The following TCTN2 variants were observed in gnomAD, a reference collection of about 807,000 sequenced individuals.
TCTN2 encodes tectonic-2.
In TCTN2, 66 loss-of-function variants were observed where a neutral mutation model predicts 83.4. The observed-to-expected ratio is 0.79, with a 90% CI of 0.65 to 0.97. The LOEUF is 0.97. TCTN2 is among the 50% of genes least tolerant of loss of function. TCTN2 has a pLI of 0.00. For missense variants in TCTN2, 794 were observed against 858.1 expected, an observed-to-expected ratio of 0.93 and a Z score of 0.93; for synonymous variants, 301 against 326.7, an observed-to-expected ratio of 0.92 and a Z score of 0.85.
intron 8 of TCTN2, among the ~76,000 whole-genome samples, 178 bp from the exon 9 acceptor site, chr12:123,692,480 G>T (rs1956055040): frequency 6.6e-6 from 1 of 152,168 alleles, no homozygotes; most frequent in South Asian, 2.1e-4. Context: ...GTTATAATTA[G>T]ATGCTAAGAG....
intron 15 of TCTN2, 47 bp from the exon 16 acceptor site, chr12:123,706,679 T>C (rs753962795): frequency 2.5e-6 from 4 of 1,613,554 alleles, no homozygotes; most frequent in Non-Finnish European, 2.5e-6. Context: ...CTTGGTGGAA[T>C]AGAACTGAAT....
At position 123,693,746 on chromosome 12, in the gene TCTN2, G is replaced by A. The variant is rs535768517; in HGVS notation, c.1099+1023G>A. Among the ~76,000 whole-genome samples, 30 of 151,604 alleles carry A rather than the reference G, an allele frequency of 2.0e-4. No homozygotes were observed. The South Asian group carries it at 6.0e-3, about 31-fold the overall frequency. ...AGGGGTTACAGGCGTGAGCCACGGC[G>A]ACTGGCTCAGTTTGGCTAATTTTAC... On this transcript the variant is annotated intron_variant, in intron 9 of 17. Transcript: ENST00000303372.
chr12:123,698,727 G>A (rs1027459630), intron 13 of TCTN2, among the ~76,000 whole-genome samples: 9 of 152,102 alleles, frequency 5.9e-5, no homozygotes, highest in South Asian at 4.1e-4. Flanking sequence ...CATTATGCCC[G>A]GCCTGCATGC....
chr12:123,696,340 C>T (rs1317158386), intron 11 of TCTN2, 75 bp from the exon 12 acceptor site: 1 of 1,221,928 alleles, frequency 8.2e-7, no homozygotes. Context: ...GTGCATGACT[C>T]TTGTATTATT....
chr12:123,684,552 A>G (rs1195096612), intron 5 of TCTN2, among the ~76,000 whole-genome samples: 3 of 151,624 alleles, frequency 2.0e-5, no homozygotes, highest in African/African-American at 7.3e-5. Flanking sequence ...AGGCATGCAC[A>G]ACCACACCTG....
chr12:123,679,117 A>C, intron 4 of TCTN2, 72 bp from the exon 5 acceptor site: 2 of 1,383,674 alleles, frequency 1.4e-6, no homozygotes, highest in Non-Finnish European at 1.0e-6. Flanking sequence ...CTTTCTTTTG[A>C]ATGTCAAAAA....
At chr12:123,671,669 C>A in intron 2 of TCTN2, 55 bp downstream of exon 2, 1 of 1,522,308 alleles carries the variant, frequency 6.6e-7, no homozygotes, top group South Asian at 1.1e-5. Flanking sequence ...TCCAGACCTC[C>A]CAAGGAGCCT....
Position 123,671,221 on chromosome 12 carries a change from C to G in TCTN2, c.-20C>G. 4 of 1,607,352 alleles carry G rather than the reference C, an allele frequency of 2.5e-6. No individual in the cohort carries two copies. Among genetic ancestry groups the G allele is most frequent in the Non-Finnish European group, 3.4e-6 (4 of 1,177,288 alleles). ...AATGAGGGCGCGGTTCTGCTGTGCC[C>G]GGCCCGCGAGGTCTAAGGCATGGGC... On this transcript the variant is annotated 5_prime_UTR_variant, in exon 1 of 18. Transcript: ENST00000303372.
Position 123,690,707 on chromosome 12 carries a change from G to A in TCTN2, c.1033+33G>A, listed in dbSNP as rs1210413531. ...ACATTTCTTTGAAAAAAGAACACAG[G>A]CCCAAACATGAATATAAAGTATGAT... is the stretch of plus-strand genomic sequence containing the variant. On this transcript the variant is annotated intron_variant, in intron 8 of 17. Transcript: ENST00000303372. 8 of 1,611,082 alleles carry A rather than the reference G, an allele frequency of 5.0e-6. No homozygotes were observed. In the East Asian group the frequency reaches 1.3e-4, roughly 27 times the overall value.
chr12:123,707,452 G>A, intron 17 of TCTN2, 152 bp from the exon 18 acceptor site: 1 of 748,122 alleles, frequency 1.3e-6, no homozygotes, highest in Non-Finnish European at 2.4e-6. Context: ...TGCTGGCCAG[G>A]CTGGTCTCGA....
At chr12:123,695,869 G>A (rs1407818595) in intron 11 of TCTN2, 2 of 156,430 alleles carry the variant, frequency 1.3e-5, no homozygotes, top group East Asian at 1.8e-4. Context: ...TTGAGACGGA[G>A]TTTAACTCTT....
chr12:123,688,213 C>CTTT (rs58689399), intron 7 of TCTN2, 36 bp downstream of exon 7: 222 of 1,348,442 alleles, frequency 1.6e-4, no homozygotes, highest in Admixed American at 3.7e-4. Flanking sequence ...AGACCGTTCT[C>CTTT]TTTTTTTTTT....
chr12:123,681,679 A>G (rs1233140520), intron 5 of TCTN2, among the ~76,000 whole-genome samples: 2 of 152,120 alleles, frequency 1.3e-5, no homozygotes, highest in East Asian at 1.9e-4. Context: ...TTTTTTGGCT[A>G]TTATGAATAG....
Position 123,686,785 on chromosome 12 carries a change from C to T in TCTN2, c.565-51C>T, listed in dbSNP as rs757896137. On this transcript the variant is annotated intron_variant, in intron 5 of 17. Transcript: ENST00000303372. ...AAGAGTTAGCATTCGCTACGCTTGC[C>T]AGGAGATCCTGACCACGGTCACAGC... The T allele has an allele frequency of 3.8e-6, 6 of 1,587,490 alleles. No individual in the cohort carries two copies. In the East Asian group the frequency reaches 1.3e-4, roughly 35 times the overall value.
At position 123,673,798 on chromosome 12, in the gene TCTN2, C is replaced by G; in HGVS notation, c.451C>G (p.His151Asp). Reference sequence around the variant, plus strand: ...AATTTATGCCAACTCTTCTCTGACCCATAATGCCTCAGGCAAGTGAAGTCT... The same window carrying G: ...AATTTATGCCAACTCTTCTCTGACCGATAATGCCTCAGGCAAGTGAAGTCT... ...VEIYANSSLT[H>D]NASENVTVIP... Residue 151 changes from histidine (H) to aspartate (D), a missense_variant, in exon 4 of 18, where the codon CAT becomes GAT. Coordinates refer to ENST00000303372, the MANE Select transcript of TCTN2 (RefSeq NM_024809.5). The G allele has an allele frequency of 6.2e-7, 1 of 1,614,104 alleles. No homozygotes were observed. Among genetic ancestry groups the G allele is most frequent in the Non-Finnish European group, 8.5e-7 (1 of 1,179,986 alleles).
At chr12:123,697,222 A>G in intron 13 of TCTN2, 24 bp downstream of exon 13, 1 of 1,500,236 alleles carries the variant, frequency 6.7e-7, no homozygotes, top group Non-Finnish European at 9.3e-7. Flanking sequence ...TGATGAATAT[A>G]TCGGCAATGT....
chr12:123,696,342 T>C (rs996628916), intron 11 of TCTN2, 73 bp from the exon 12 acceptor site: 8 of 1,218,930 alleles, frequency 6.6e-6, no homozygotes, highest in African/African-American at 3.0e-5. Context: ...GCATGACTCT[T>C]GTATTATTTG....
At chr12:123,688,806 A>G (rs1444008447) in intron 7 of TCTN2, among the ~76,000 whole-genome samples, 3 of 151,042 alleles carry the variant, frequency 2.0e-5, no homozygotes, top group Non-Finnish European at 4.4e-5. Flanking sequence ...CCCAGGCTGG[A>G]GTGTAATGGC....
At chr12:123,682,538 A>G (rs529057104) in intron 5 of TCTN2, among the ~76,000 whole-genome samples, 87 of 151,810 alleles carry the variant, frequency 5.7e-4, no homozygotes, top group Non-Finnish European at 1.0e-3. Flanking sequence ...CTGGAGGGCA[A>G]TGGTGTGATC....
Sources: allele counts gnomAD v4.1 joint callset (sites outside exome capture counted in the v4.1 genomes callset), GRCh38; gene constraint gnomAD v4.1.1; transcripts MANE v1.5; gene names NCBI Gene and HGNC (gene_info 2026-07-23, HGNC 2026-07-21).